Variants in SCD observed in about 807,000 individuals in gnomAD.
SCD encodes the protein stearoyl-CoA desaturase, also known as acyl-CoA desaturase.
In SCD, 4 loss-of-function variants were observed where a neutral mutation model predicts 35.7. That is an observed-to-expected ratio of 0.11 (90% CI 0.06 to 0.26). The LOEUF (loss-of-function observed/expected upper bound fraction) is 0.26. Among genes scored for constraint, SCD ranks in the 10% least tolerant of loss-of-function variants. The pLI is 1.00. For missense variants in SCD, 282 were observed against 460.7 expected, an observed-to-expected ratio of 0.61 and a Z score of 3.55; for synonymous variants, 150 against 170.2, an observed-to-expected ratio of 0.88 and a Z score of 0.92.
chr10:100,358,357 C>T (rs55965531), intron 5 of SCD, among the ~76,000 whole-genome samples: 4,109 of 151,674 alleles, frequency 0.027, 120 homozygotes, highest in African/African-American at 0.072. Flanking sequence ...TTTGGGAGGC[C>T]GAGGCGGGTG....
intron 5 of SCD, among the ~76,000 whole-genome samples, chr10:100,359,567 T>C (rs578239402): frequency 3.9e-5 from 6 of 152,346 alleles, no homozygotes; most frequent in African/African-American, 1.4e-4. Context: ...CCTTTATTCC[T>C]GGCATTCTAC....
Position 100,348,152 on chromosome 10 carries a change from C to G in SCD, c.116C>G (p.Pro39Arg). 1 of 1,613,798 alleles carries G rather than the reference C, an allele frequency of 6.2e-7. No individual in the cohort carries two copies. The highest frequency in any genetic ancestry group is 1.1e-5 in the South Asian group (1 of 91,062). The change falls in exon 2 of 6, where the codon CCC (proline) becomes CGC (arginine). Residue 39 changes from proline to arginine, a missense_variant. Around this residue, in one of 2 missense-constraint regions of SCD, gnomAD observed 77 missense variants for 88.4 expected, o/e 0.87. Coordinates refer to ENST00000370355, the MANE Select transcript of SCD (RefSeq NM_005063.5). ...QNGGDKLETM[P>R]LYLEDDIRPD... is the part of the protein sequence containing the mutation. ...GGAGGAGATAAGTTGGAGACGATGC[C>G]CCTCTACTTGGAAGACGACATTCGC...
At position 100,361,306 on chromosome 10, in the gene SCD, A is replaced by T. The variant is rs1470345896; in HGVS notation, c.*373A>T. 2.2e-5 allele frequency: 5 copies of T among 226,730 alleles called. No homozygotes were observed. Among genetic ancestry groups the T allele is most frequent in the Admixed American group, 1.0e-4 (2 of 19,170 alleles). The allele number at this position is 226,730 out of a possible 1,614,324, so 14.0% of individuals were successfully genotyped here. A position where few individuals can be genotyped will look rare whatever the true frequency, so the allele number is the denominator to read the frequency against. On this transcript the variant is annotated 3_prime_UTR_variant, in exon 6 of 6. Transcript: ENST00000370355. The stretch of plus-strand genomic sequence containing the variant: ...AAAACGAATGGTCTTTGCTCCAGAT[A>T]ACTCTCTTTCCTTGAGCTGTTGTGA...
chr10:100,356,474 G>A lies in SCD; in HGVS notation c.648-58G>A, dbSNP rs1849929226. On this transcript the variant is annotated intron_variant, in intron 4 of 5. Coordinates refer to ENST00000370355, the MANE Select transcript of SCD (RefSeq NM_005063.5). The surrounding 1 kb of genome is among the most constrained non-coding windows in gnomAD (Gnocchi z 4.1). The stretch of plus-strand genomic sequence containing the variant: ...CCATCCCCTCCCAATTAGTGTGGAA[G>A]ATCCATGTAGGTGTGGAGTCCCCCT... The A allele has an allele frequency of 1.6e-6, 2 of 1,244,980 alleles. No homozygotes were observed. The highest frequency in any genetic ancestry group is 4.6e-5 in the East Asian group (2 of 43,072). The allele number at this position is 1,244,980 out of a possible 1,614,324, so 77.1% of individuals were successfully genotyped here. A position where few individuals can be genotyped will look rare whatever the true frequency, so the allele number is the denominator to read the frequency against.
rs1564627578 is a variant in SCD at position 100,363,983 on chromosome 10, TG to T, written c.*3052del. On this transcript the variant is annotated 3_prime_UTR_variant, in exon 6 of 6. Coordinates refer to ENST00000370355, the MANE Select transcript of SCD (RefSeq NM_005063.5). ...TGGCTGGTAGAAAAAGGGGCCTGAG[TG>T]GAGGATTATCAGTATCACGATTTGC... 6.6e-6 allele frequency: 1 copy of T among 152,358 alleles called. No individual in the cohort carries two copies. Among genetic ancestry groups the T allele is most frequent in the African/African-American group, 2.4e-5 (1 of 41,352 alleles). The allele number at this position is 152,358 out of a possible 1,614,324, so 9.4% of individuals were successfully genotyped here.
Position 100,360,852 on chromosome 10 carries a change from C to T in SCD, c.999C>T (p.Ala333=), listed in dbSNP as rs199542687. ...FIDCMAALGL[A]YDRKKVSKAA... ...ATTGCATGGCCGCCCTCGGTCTGGC[C>T]TATGACCGGAAGAAAGTCTCCAAGG... The change falls in exon 6 of 6, where the codon GCC becomes GCT. Residue 333 remains alanine, a synonymous_variant. Transcript: ENST00000370355. 1.2e-6 allele frequency: 2 copies of T among 1,613,970 alleles called. No individual in the cohort carries two copies. The highest frequency in any genetic ancestry group is 8.5e-7 in the Non-Finnish European group (1 of 1,179,868).
At chr10:100,359,803 G>GT (rs1191406940) in intron 5 of SCD, among the ~76,000 whole-genome samples, 1 of 152,128 alleles carries the variant, frequency 6.6e-6, no homozygotes, top group Non-Finnish European at 1.5e-5. Flanking sequence ...ATTATTTTTG[G>GT]CTGTGGTTCA....
At position 100,360,837 on chromosome 10, in the gene SCD, C is replaced by A. The variant is rs530826252; in HGVS notation, c.984C>A (p.Ala328=). Residue 328 remains alanine (A), a synonymous_variant, in exon 6 of 6, where the codon GCC becomes GCA. Coordinates refer to ENST00000370355, the MANE Select transcript of SCD (RefSeq NM_005063.5). The stretch of plus-strand genomic sequence containing the variant: ...CCACATTCTTCATTGATTGCATGGC[C>A]GCCCTCGGTCTGGCCTATGACCGGA... ...NFTTFFIDCM[A]ALGLAYDRKK... 1.9e-6 allele frequency: 3 copies of A among 1,613,986 alleles called. No homozygotes were observed. The East Asian group carries it at 6.7e-5, about 36-fold the overall frequency.
chr10:100,359,203 C>G (rs752339310), intron 5 of SCD, among the ~76,000 whole-genome samples: 10 of 152,126 alleles, frequency 6.6e-5, no homozygotes, highest in Non-Finnish European at 8.8e-5. Flanking sequence ...TTGTTGTTAT[C>G]ATTCACTCCT....
At chr10:100,348,035 C>T (rs771965084) in intron 1 of SCD, 29 bp from the exon 2 acceptor site, 2 of 1,606,486 alleles carry the variant, frequency 1.2e-6, no homozygotes, top group Non-Finnish European at 1.7e-6. Context: ...TGTCTCTTCT[C>T]CTGACTCTCC....
At chr10:100,349,374 G>A (rs2133591729) in intron 2 of SCD, among the ~76,000 whole-genome samples, 1 of 152,328 alleles carries the variant, frequency 6.6e-6, no homozygotes, top group East Asian at 1.9e-4. Flanking sequence ...GCAGATCCAG[G>A]GGCCCTGCAC....
At chr10:100,358,598 C>CAAAAA (rs547927999) in intron 5 of SCD, among the ~76,000 whole-genome samples, 2 of 78,584 alleles carry the variant, frequency 2.5e-5, no homozygotes, top group Admixed American at 1.5e-4. Context: ...GACTCCGTCT[C>CAAAAA]AAAAAAAAAA....
Position 100,347,452 on chromosome 10 carries a change from C to T in SCD, c.-53C>T. On this transcript the variant is annotated 5_prime_UTR_variant, in exon 1 of 6. Transcript: ENST00000370355. The stretch of plus-strand genomic sequence containing the variant: ...CGCAGTCCTCCGGCGACCCCGAACT[C>T]CGCTCCGGAGCCTCAGCCCCCTGGA... 1 of 1,604,574 alleles carries T rather than the reference C, an allele frequency of 6.2e-7. No individual in the cohort carries two copies. Among genetic ancestry groups the T allele is most frequent in the Non-Finnish European group, 8.5e-7 (1 of 1,175,186 alleles).
At chr10:100,359,804 C>T (rs1849971212) in intron 5 of SCD, among the ~76,000 whole-genome samples, 1 of 152,158 alleles carries the variant, frequency 6.6e-6, no homozygotes, top group East Asian at 1.9e-4. Flanking sequence ...TTATTTTTGG[C>T]TGTGGTTCAG....
chr10:100,356,303 G>A lies in SCD; in HGVS notation c.648-229G>A, dbSNP rs1191153412. On this transcript the variant is annotated intron_variant, in intron 4 of 5. Transcript: ENST00000370355. The surrounding 1 kb of genome is among the most constrained non-coding windows in gnomAD (Gnocchi z 4.1). ...GGGGTGGGAGGATCTCTTGGCCCAG[G>A]AGTTCAAGGCTGTGGTGAACTAAGG... Among the ~76,000 whole-genome samples, 1 of 152,180 alleles carries A rather than the reference G, an allele frequency of 6.6e-6. No individual in the cohort carries two copies. The highest frequency in any genetic ancestry group is 1.5e-5 in the Non-Finnish European group (1 of 68,034).
At chr10:100,360,482 C>A (rs188002102) in intron 5 of SCD, among the ~76,000 whole-genome samples, 5 of 152,354 alleles carry the variant, frequency 3.3e-5, no homozygotes, top group Non-Finnish European at 7.3e-5. Flanking sequence ...GTAATCCTAG[C>A]ACTTTGGGTG....
intron 3 of SCD, among the ~76,000 whole-genome samples, chr10:100,353,825 T>C (rs1029913824): frequency 6.6e-6 from 1 of 152,190 alleles, no homozygotes; most frequent in Non-Finnish European, 1.5e-5. Flanking sequence ...AGTTGTCCTG[T>C]GGAGCAAAAG....
rs1199071819 is a variant in SCD at position 100,363,599 on chromosome 10, A to G, written c.*2666A>G. Reference sequence around the variant, plus strand: ...TGATAATATATAAACAATAAAAACAACTTTCACTTCTTCCTATTGTAATCG... The same window carrying G: ...TGATAATATATAAACAATAAAAACAGCTTTCACTTCTTCCTATTGTAATCG... On this transcript the variant is annotated 3_prime_UTR_variant, in exon 6 of 6. Transcript: ENST00000370355. 6.6e-6 allele frequency: 1 copy of G among 152,124 alleles called. No individual in the cohort carries two copies. Among genetic ancestry groups the G allele is most frequent in the Non-Finnish European group, 1.5e-5 (1 of 68,032 alleles). 9.4% of individuals were successfully genotyped at this position (152,124 alleles called of 1,614,324 possible).
chr10:100,348,430 A>G, intron 2 of SCD, 84 bp downstream of exon 2: 1 of 1,320,102 alleles, frequency 7.6e-7, no homozygotes, highest in Non-Finnish European at 1.0e-6. Context: ...AGAGGACACC[A>G]GCCCCTCCCA....
Sources: allele counts gnomAD v4.1 joint callset (sites outside exome capture counted in the v4.1 genomes callset), GRCh38; gene constraint gnomAD v4.1.1; regional missense constraint gnomAD v4.1.1; non-coding constraint Gnocchi (gnomAD v3.1); transcripts MANE v1.5; gene names NCBI Gene and HGNC (gene_info 2026-07-23, HGNC 2026-07-21).